PRICKLE2: variants seen among roughly 807,000 people sequenced by gnomAD.
PRICKLE2 encodes prickle-like protein 2.
PRICKLE2 carries 21 observed loss-of-function variants against 81.4 expected under a neutral mutation model. The ratio of observed to expected loss-of-function variants is 0.26; its 90% CI spans 0.18 to 0.37. The LOEUF is 0.37. Ranked by LOEUF, PRICKLE2 falls within the 10% of genes least tolerant of loss-of-function variation. The pLI, the probability that PRICKLE2 is intolerant of heterozygous loss-of-function variation, is 1.00. For missense variants in PRICKLE2, 940 were observed against 1,109.0 expected (o/e 0.85, Z 2.16); for synonymous variants, 456 against 421.5 (o/e 1.08, Z -1.00).
At chr3:64,123,119 A>T (rs905253844) in intron 7 of PRICKLE2, among the ~76,000 whole-genome samples, 1 of 152,214 alleles carries the variant, frequency 6.6e-6, no homozygotes, top group African/African-American at 2.4e-5. Context: ...TCCAGCCATT[A>T]GAAGGACCAT....
intron 2 of PRICKLE2, among the ~76,000 whole-genome samples, chr3:64,243,572 C>G (rs2079300982): frequency 6.6e-6 from 1 of 152,200 alleles, no homozygotes; most frequent in Non-Finnish European, 1.5e-5. Flanking sequence ...TCAGCTCTGT[C>G]ACTTACTAGC....
At chr3:64,190,622 C>T (rs978482936) in intron 2 of PRICKLE2, among the ~76,000 whole-genome samples, 6 of 152,106 alleles carry the variant, frequency 3.9e-5, no homozygotes, top group Non-Finnish European at 8.8e-5. Context: ...CCTTTTCACC[C>T]AATTTTCTAG....
intron 1 of PRICKLE2, among the ~76,000 whole-genome samples, chr3:64,207,906 T>C (rs981488654): frequency 1.3e-5 from 2 of 152,124 alleles, no homozygotes; most frequent in African/African-American, 4.8e-5. Context: ...TCAAACCATA[T>C]AATAGATCTC....
At position 64,225,021 on chromosome 3, in the gene PRICKLE2, C is replaced by T; in HGVS notation, c.-152G>A. 1 of 985,460 alleles carries T rather than the reference C, an allele frequency of 1.0e-6. No homozygotes were observed. Among genetic ancestry groups the T allele is most frequent in the Non-Finnish European group, 1.2e-6 (1 of 830,058 alleles). The allele number at this position is 985,460 out of a possible 1,614,324, so 61.0% of individuals were successfully genotyped here. A position where few individuals can be genotyped will look rare whatever the true frequency, so the allele number is the denominator to read the frequency against. On this transcript the variant is annotated 5_prime_UTR_variant, in exon 1 of 8. Coordinates refer to ENST00000638394, the MANE Select transcript of PRICKLE2 (RefSeq NM_198859.4). ...TGGATCTGACTTCTAAGAACGCAAG[C>T]AGGACCTCAGGCAGCCAAAGCATCT...
rs1278527320 is a variant in PRICKLE2 at position 64,099,465 on chromosome 3, G to A, written c.2121C>T (p.Ala707=). Residue 707 remains alanine, a synonymous_variant, in exon 8 of 8, where the codon GCC becomes GCT. Coordinates refer to ENST00000638394, the MANE Select transcript of PRICKLE2 (RefSeq NM_198859.4). This position sits in a 1 kb window ranked among gnomAD's most constrained non-coding sequence, Gnocchi z 4.3. ...GGGGCCTATCTTTTAACCGGGAGAT[G>A]GCCTCGCGTTCGCTGGCCAGGTGGA... The part of the protein sequence containing the change: ...NALHLASERE[A]ISRLKDRPPL... 3.2e-6 allele frequency: 5 copies of A among 1,583,654 alleles called. No individual in the cohort carries two copies. Among genetic ancestry groups the A allele is most frequent in the Non-Finnish European group, 4.3e-6 (5 of 1,161,084 alleles).
chr3:64,106,858 C>G (rs1413247717), intron 7 of PRICKLE2, among the ~76,000 whole-genome samples: 1 of 152,180 alleles, frequency 6.6e-6, no homozygotes, highest in Non-Finnish European at 1.5e-5. Flanking sequence ...AGCACATAGT[C>G]CAGGGCAGTA....
intron 7 of PRICKLE2, among the ~76,000 whole-genome samples, chr3:64,138,203 T>C (rs2077306411): frequency 6.6e-6 from 1 of 152,216 alleles, no homozygotes; most frequent in Non-Finnish European, 1.5e-5. Flanking sequence ...GATTTCCCTT[T>C]GAACATTCTT....
chr3:64,267,594 G>A (rs1236847627), intron 2 of PRICKLE2, among the ~76,000 whole-genome samples: 2 of 150,998 alleles, frequency 1.3e-5, no homozygotes, highest in African/African-American at 2.4e-5. Flanking sequence ...CAAGTCCAGG[G>A]ATGTTTTCAT....
At chr3:64,159,847 A>T (rs575628175) in intron 4 of PRICKLE2, 93 bp downstream of exon 4, 7 of 1,510,560 alleles carry the variant, frequency 4.6e-6, no homozygotes, top group Non-Finnish European at 6.4e-6. Flanking sequence ...TCTCAGGCAC[A>T]TAGTAGGCAC....
chr3:64,161,468 G>T (rs1326544978), intron 3 of PRICKLE2, among the ~76,000 whole-genome samples: 1 of 152,050 alleles, frequency 6.6e-6, no homozygotes, highest in Non-Finnish European at 1.5e-5. Context: ...TATCAAAATT[G>T]TCTTATCTAT....
chr3:64,198,875 A>C lies in PRICKLE2; in HGVS notation c.53T>G (p.Phe18Cys). The change falls in exon 2 of 8, where the codon TTT becomes TGT. Residue 18 changes from phenylalanine (F) to cysteine (C), a missense_variant. Coordinates refer to ENST00000638394, the MANE Select transcript of PRICKLE2 (RefSeq NM_198859.4). ...EMEKTISKLM[F>C]DFQRNSTSDD... ...TGAGGTCGAGTTCCTCTGAAAGTCA[A>C]ACATGAGTTTGCTGATGGTCTTCTC... The C allele has an allele frequency of 3.1e-6, 5 of 1,614,232 alleles. No individual in the cohort carries two copies. Among genetic ancestry groups the C allele is most frequent in the Non-Finnish European group, 4.2e-6 (5 of 1,180,040 alleles).
intron 2 of PRICKLE2, among the ~76,000 whole-genome samples, chr3:64,180,799 C>A (rs1010575316): frequency 6.6e-6 from 1 of 152,130 alleles, no homozygotes; most frequent in African/African-American, 2.4e-5. Flanking sequence ...TCCCAAGGTA[C>A]CAGGATTACA....
At chr3:64,129,356 TAAC>T (rs2106982903) in intron 7 of PRICKLE2, among the ~76,000 whole-genome samples, 1 of 152,338 alleles carries the variant, frequency 6.6e-6, no homozygotes, top group African/African-American at 2.4e-5. Flanking sequence ...TTAACCAAGA[TAAC>T]AATATATTAG....
intron 2 of PRICKLE2, among the ~76,000 whole-genome samples, chr3:64,233,898 ATTC>A (rs948160907): frequency 2.0e-5 from 3 of 152,166 alleles, no homozygotes; most frequent in African/African-American, 4.8e-5. Context: ...AGAGTTGCCT[ATTC>A]TTGACATTTT....
intron 1 of PRICKLE2, among the ~76,000 whole-genome samples, chr3:64,201,314 C>T (rs1318067357): frequency 6.6e-6 from 1 of 152,172 alleles, no homozygotes; most frequent in Non-Finnish European, 1.5e-5. Context: ...TTGAGGAACT[C>T]CCAAATTGTT....
intron 5 of PRICKLE2, among the ~76,000 whole-genome samples, chr3:64,156,681 T>C (rs1172478044): frequency 2.0e-5 from 3 of 152,144 alleles, no homozygotes; most frequent in African/African-American, 7.2e-5. Flanking sequence ...TTTTTTTCAC[T>C]CAGAACTTTT....
At chr3:64,186,043 G>T (rs758535422) in intron 2 of PRICKLE2, among the ~76,000 whole-genome samples, 2 of 151,992 alleles carry the variant, frequency 1.3e-5, no homozygotes, top group African/African-American at 4.8e-5. Context: ...GTACTATTTT[G>T]CCTGGCTTCT....
At chr3:64,208,100 T>A (rs2078721895) in intron 1 of PRICKLE2, among the ~76,000 whole-genome samples, 3 of 152,124 alleles carry the variant, frequency 2.0e-5, no homozygotes, top group African/African-American at 7.2e-5. Context: ...CCGTCAGGTT[T>A]TAGGAGGGAA....
intron 2 of PRICKLE2, among the ~76,000 whole-genome samples, chr3:64,186,255 T>A (rs1415864516): frequency 1.3e-5 from 2 of 152,220 alleles, no homozygotes; most frequent in Non-Finnish European, 1.5e-5. Context: ...AAACCCCAAA[T>A]GTTTAAAACA....
Sources: gnomAD v4.1 joint callset for allele counts (sites outside exome capture counted in the v4.1 genomes callset) on GRCh38, gnomAD v4.1.1 for gene constraint, Gnocchi (gnomAD v3.1) non-coding constraint, MANE v1.5 for transcripts, NCBI Gene and HGNC (gene_info 2026-07-23, HGNC 2026-07-21) for gene names.